The following SCTR variants were observed in gnomAD, a reference collection of about 807,000 sequenced individuals.
SCTR encodes the protein pancreatic secretin receptor.
In SCTR, 56 loss-of-function variants were observed where a neutral mutation model predicts 60.8. That is an observed-to-expected ratio of 0.92 (90% CI 0.74 to 1.15). SCTR has a LOEUF of 1.15. Ranked by LOEUF, SCTR falls within the 50% of genes most tolerant of loss-of-function variation. The probability of loss-of-function intolerance (pLI) is 0.00; values close to 1 mark genes in which losing one functional copy is unlikely to be tolerated. For missense variants in SCTR, 562 were observed against 550.4 expected (o/e 1.02, Z -0.21); for synonymous variants, 202 against 217.0 (o/e 0.93, Z 0.61).
chr2:119,443,997 G>T (rs1184868435), intron 11 of SCTR, among the ~76,000 whole-genome samples: 1 of 147,556 alleles, frequency 6.8e-6, no homozygotes, highest in Non-Finnish European at 1.5e-5. Context: ...GATGGGGGTA[G>T]TAGGTAGGGA....
At chr2:119,501,336 G>A (rs180864568) in intron 1 of SCTR, among the ~76,000 whole-genome samples, 3 of 152,158 alleles carry the variant, frequency 2.0e-5, no homozygotes, top group Non-Finnish European at 4.4e-5. Context: ...GGTGAACCTG[G>A]TAGGTGGAGC....
At position 119,516,660 on chromosome 2, in the gene SCTR, G is replaced by C. The variant is rs531089716; in HGVS notation, c.72+7495C>G. Among the ~76,000 whole-genome samples, 5 of 152,294 alleles carry C rather than the reference G, an allele frequency of 3.3e-5. No individual in the cohort carries two copies. The South Asian group carries it at 1.0e-3, about 32-fold the overall frequency. ...TCTAATGTACAGCATGAAGACTATA[G>C]TTAATAATACTGTATCGGGCCGGGT... is the stretch of plus-strand genomic sequence containing the variant. On this transcript the variant is annotated intron_variant, in intron 1 of 12. Coordinates refer to ENST00000019103, the MANE Select transcript of SCTR (RefSeq NM_002980.3).
intron 6 of SCTR, among the ~76,000 whole-genome samples, chr2:119,462,764 G>A (rs763201102): frequency 1.0e-3 from 159 of 152,234 alleles, no homozygotes; most frequent in Non-Finnish European, 2.1e-3. Flanking sequence ...GCAAAGACAA[G>A]CCCGAGAAGG....
intron 5 of SCTR, among the ~76,000 whole-genome samples, chr2:119,465,303 C>T (rs1013267031): frequency 6.6e-6 from 1 of 152,192 alleles, no homozygotes; most frequent in African/African-American, 2.4e-5. Flanking sequence ...GAAAGCCTCC[C>T]AGAGGATGAG....
chr2:119,465,256 C>G (rs1683783936), intron 5 of SCTR, among the ~76,000 whole-genome samples: 3 of 152,168 alleles, frequency 2.0e-5, no homozygotes, highest in Non-Finnish European at 4.4e-5. Flanking sequence ...AGGATGAATG[C>G]CAGCAACTGC....
At chr2:119,481,033 C>A (rs1034737490) in intron 2 of SCTR, among the ~76,000 whole-genome samples, 3 of 152,248 alleles carry the variant, frequency 2.0e-5, no homozygotes, top group Non-Finnish European at 4.4e-5. Flanking sequence ...CAAAGCCCAA[C>A]TGAAAAGCCT....
intron 1 of SCTR, among the ~76,000 whole-genome samples, chr2:119,510,007 T>C (rs1241252717): frequency 1.3e-5 from 2 of 152,150 alleles, no homozygotes; most frequent in African/African-American, 4.8e-5. Flanking sequence ...TATTTTACTT[T>C]AAGTTCTAGG....
intron 1 of SCTR, among the ~76,000 whole-genome samples, chr2:119,517,078 C>G (rs748949576): frequency 1.3e-5 from 2 of 152,098 alleles, no homozygotes; most frequent in Non-Finnish European, 2.9e-5. Context: ...CAAATGGTAA[C>G]TTTGTGAAGA....
In SCTR at chr2:119,524,380, CG is replaced by C. The variant is rs1433444317; in HGVS notation, c.-155del. On this transcript the variant is annotated 5_prime_UTR_variant, in exon 1 of 13. Transcript: ENST00000019103. ...GAGCCACCCGACCTGCGGCGGGCCC[CG>C]GGACTGCTCCTCCTCGGACCAGGTG... The C allele has an allele frequency of 2.2e-6, 1 of 445,382 alleles. No individual in the cohort carries two copies. The highest frequency in any genetic ancestry group is 2.1e-5 in the African/African-American group (1 of 48,404). 27.6% of individuals were successfully genotyped at this position (445,382 alleles called of 1,614,324 possible).
chr2:119,507,032 C>A (rs1006598596), intron 1 of SCTR, among the ~76,000 whole-genome samples: 17 of 152,144 alleles, frequency 1.1e-4, no homozygotes, highest in African/African-American at 3.9e-4. Context: ...TACAAGAGAT[C>A]TCTCTGTATT....
At chr2:119,506,441 T>G (rs1410174493) in intron 1 of SCTR, among the ~76,000 whole-genome samples, 1 of 151,908 alleles carries the variant, frequency 6.6e-6, no homozygotes. Context: ...ATTTATCCAT[T>G]TGTATAGCAT....
At chr2:119,465,768 G>A in intron 5 of SCTR, 21 bp downstream of exon 5, 1 of 1,542,474 alleles carries the variant, frequency 6.5e-7, no homozygotes, top group African/African-American at 1.4e-5. Flanking sequence ...GGGGTATGGA[G>A]AGCTGGCAGT....
chr2:119,459,394 G>A (rs1683507649), intron 7 of SCTR, among the ~76,000 whole-genome samples: 4 of 149,896 alleles, frequency 2.7e-5, no homozygotes. Context: ...CAATCTGTGG[G>A]ACTAGGGTAA....
intron 2 of SCTR, among the ~76,000 whole-genome samples, chr2:119,493,832 GGTTTCACCATA>G (rs1678239542): frequency 6.6e-6 from 1 of 151,940 alleles, no homozygotes; most frequent in Admixed American, 6.6e-5. Flanking sequence ...GTAGAGGTGG[GGTTTCACCATA>G]TTGGTCAAGC....
At chr2:119,509,036 C>T (rs1200602702) in intron 1 of SCTR, among the ~76,000 whole-genome samples, 1 of 152,228 alleles carries the variant, frequency 6.6e-6, no homozygotes, top group Non-Finnish European at 1.5e-5. Flanking sequence ...TTTATACATA[C>T]ATATGACTCC....
At chr2:119,505,050 G>A (rs1678688254) in intron 1 of SCTR, among the ~76,000 whole-genome samples, 1 of 152,064 alleles carries the variant, frequency 6.6e-6, no homozygotes, top group Non-Finnish European at 1.5e-5. Context: ...GAGAGGATGT[G>A]GAGAAATAGG....
At position 119,514,746 on chromosome 2, in the gene SCTR, C is replaced by T. The variant is rs113157971; in HGVS notation, c.72+9409G>A. Among the ~76,000 whole-genome samples, 1,313 of 152,114 alleles carry T rather than the reference C, an allele frequency of 8.6e-3. 19 individuals carry two copies. The highest frequency in any genetic ancestry group is 0.03 in the African/African-American group (1,256 of 41,474). ...CAAAAAAATCAGCCAAGCGTGGTGG[C>T]GCATGCCTGTAATCCCAGCCACTCA... is the stretch of plus-strand genomic sequence containing the variant. On this transcript the variant is annotated intron_variant, in intron 1 of 12. Transcript: ENST00000019103.
At chr2:119,508,611 C>T (rs1214584984) in intron 1 of SCTR, among the ~76,000 whole-genome samples, 1 of 151,898 alleles carries the variant, frequency 6.6e-6, no homozygotes, top group Non-Finnish European at 1.5e-5. Context: ...TGGTTTTGAA[C>T]TTATGAGGCT....
At chr2:119,469,768 C>T (rs1248954385) in intron 4 of SCTR, among the ~76,000 whole-genome samples, 2 of 151,928 alleles carry the variant, frequency 1.3e-5, no homozygotes, top group Admixed American at 6.5e-5. Context: ...GCTGAGACTA[C>T]AGGCATGAGC....
Sources: allele counts gnomAD v4.1 joint callset (sites outside exome capture counted in the v4.1 genomes callset), GRCh38; gene constraint gnomAD v4.1.1; transcripts MANE v1.5; gene names NCBI Gene and HGNC (gene_info 2026-07-23, HGNC 2026-07-21).